The following TMEM131 variants were observed in gnomAD, a reference collection of about 807,000 sequenced individuals.
TMEM131 encodes the protein transmembrane protein 131.
A neutral mutation model predicts 211.6 loss-of-function variants in TMEM131; 66 were observed. The ratio of observed to expected loss-of-function variants is 0.31; its 90% CI spans 0.26 to 0.38. TMEM131 has a LOEUF of 0.38. Ranked by LOEUF, TMEM131 falls within the 10% of genes least tolerant of loss-of-function variation. The probability of loss-of-function intolerance (pLI) is 1.00; values close to 1 mark genes in which losing one functional copy is unlikely to be tolerated. For synonymous variants in TMEM131, 844 were observed against 841.3 expected, an observed-to-expected ratio of 1.00 and a Z score of -0.06; for missense variants, 2,036 against 2,299.3, an observed-to-expected ratio of 0.89 and a Z score of 2.34.
At chr2:97,862,629 A>G (rs187322577) in intron 4 of TMEM131, among the ~76,000 whole-genome samples, 1 of 152,100 alleles carries the variant, frequency 6.6e-6, no homozygotes, top group Non-Finnish European at 1.5e-5. Context: ...AGCAGAATTG[A>G]TCAAGCAGAA....
intron 21 of TMEM131, 52 bp downstream of exon 21, chr2:97,805,324 A>G: frequency 2.5e-6 from 4 of 1,591,794 alleles, no homozygotes; most frequent in Non-Finnish European, 3.4e-6. Context: ...TCTTACTAAA[A>G]GAGTATTTTG....
intron 1 of TMEM131, among the ~76,000 whole-genome samples, chr2:97,989,820 A>G (rs1680184520): frequency 6.6e-6 from 1 of 152,224 alleles, no homozygotes; most frequent in Non-Finnish European, 1.5e-5. Context: ...AAGTAATCAC[A>G]TGGGAATTAA....
chr2:97,918,808 T>C (rs1401574616), intron 2 of TMEM131, among the ~76,000 whole-genome samples: 1 of 151,548 alleles, frequency 6.6e-6, no homozygotes, highest in African/African-American at 2.4e-5. Flanking sequence ...ATTCTGGTTA[T>C]CTACTGCTGC....
At chr2:97,884,017 T>A (rs1675039493) in intron 4 of TMEM131, among the ~76,000 whole-genome samples, 1 of 151,668 alleles carries the variant, frequency 6.6e-6, no homozygotes, top group Non-Finnish European at 1.5e-5. Context: ...CATTAGGTTG[T>A]TTATTTGAAA....
Position 97,814,107 on chromosome 2 carries a change from G to C in TMEM131, c.1481C>G (p.Pro494Arg), listed in dbSNP as rs766844923. 6.2e-7 allele frequency: 1 copy of C among 1,609,640 alleles called. No individual in the cohort carries two copies. Among genetic ancestry groups the C allele is most frequent in the Non-Finnish European group, 8.5e-7 (1 of 1,177,502 alleles). The change falls in exon 15 of 41, where the codon CCT (proline) becomes CGT (arginine). Residue 494 changes from proline (P) to arginine (R), a missense_variant. Pro to Arg is a moderately radical substitution (Grantham distance 103). This residue lies in a region of TMEM131 where 1,623 missense variants were observed against 1,805.9 expected (regional missense o/e 0.90). Coordinates refer to ENST00000186436, the MANE Select transcript of TMEM131 (RefSeq NM_015348.2). ...HNFSKPVLIL[P>R]NESGYIFTLL... ...GGTAAAAATGTATCCTGATTCATTA[G>C]GAAGAATTAAGACTGGTTTGCTGAA...
chr2:97,855,337 T>TGG (rs1374575959), intron 5 of TMEM131, among the ~76,000 whole-genome samples: 7 of 152,244 alleles, frequency 4.6e-5, no homozygotes, highest in Non-Finnish European at 1.0e-4. Context: ...ACCTGGCAAA[T>TGG]CTGTGCTTTA....
At chr2:97,793,185 A>C in intron 30 of TMEM131, 1 of 643,972 alleles carries the variant, frequency 1.6e-6, no homozygotes, top group South Asian at 2.2e-5. Flanking sequence ...GATCTAACTA[A>C]AAGTATTTTA....
intron 7 of TMEM131, among the ~76,000 whole-genome samples, chr2:97,839,514 T>C (rs1426505769): frequency 6.6e-6 from 1 of 152,232 alleles, no homozygotes; most frequent in Admixed American, 6.5e-5. Context: ...TCCAGTGCTA[T>C]TTGTTCTAAT....
At chr2:97,788,562 C>T (rs1680356176) in intron 31 of TMEM131, among the ~76,000 whole-genome samples, 1 of 152,186 alleles carries the variant, frequency 6.6e-6, no homozygotes, top group Non-Finnish European at 1.5e-5. Context: ...TATCATCTAC[C>T]AAACTGGGTC....
At chr2:97,832,199 C>T (rs1436717969) in intron 11 of TMEM131, among the ~76,000 whole-genome samples, 2 of 152,096 alleles carry the variant, frequency 1.3e-5, no homozygotes, top group Non-Finnish European at 2.9e-5. Context: ...AAAGGACAAA[C>T]ATGGGCCTAT....
chr2:97,874,133 G>A lies in TMEM131; in HGVS notation c.359+13919C>T, dbSNP rs553447743. On this transcript the variant is annotated intron_variant, in intron 4 of 40. Transcript: ENST00000186436. ...GGAAGAAAGGATATCAGTGATTGAA[G>A]ATCAACTTAATGAAATAAAGAGCAA... 1.1e-4 allele frequency among the ~76,000 whole-genome samples: 16 copies of A among 152,268 alleles called. No homozygotes were observed. The East Asian group carries it at 3.1e-3, about 29-fold the overall frequency.
intron 1 of TMEM131, among the ~76,000 whole-genome samples, chr2:97,943,079 AAG>A (rs1465036306): frequency 3.0e-5 from 4 of 134,596 alleles, no homozygotes; most frequent in African/African-American, 1.1e-4. Context: ...GAAAGAAAGA[AAG>A]AAAGAAAGAA....
intron 1 of TMEM131, among the ~76,000 whole-genome samples, chr2:97,957,090 C>T (rs1396789839): frequency 7.2e-6 from 1 of 139,592 alleles, no homozygotes; most frequent in African/African-American, 2.8e-5. Context: ...GCGTGAGACT[C>T]CGTCTCAAAA....
chr2:97,975,768 T>G (rs1414244041), intron 1 of TMEM131, among the ~76,000 whole-genome samples: 1 of 147,940 alleles, frequency 6.8e-6, no homozygotes, highest in African/African-American at 2.5e-5. Context: ...ACTGATTTTA[T>G]GAGACCAGCA....
chr2:97,954,067 T>C (rs1559472028), intron 1 of TMEM131, among the ~76,000 whole-genome samples: 2 of 152,224 alleles, frequency 1.3e-5, no homozygotes, highest in South Asian at 2.1e-4. Flanking sequence ...AAAGAGGAAA[T>C]GGTCTCACAT....
In TMEM131 at chr2:97,762,350, G is replaced by C. The variant is rs1022567234; in HGVS notation, c.4724-150C>G. The C allele has an allele frequency of 2.0e-5, 15 of 753,120 alleles. No homozygotes were observed. In the East Asian group the frequency reaches 2.1e-4, roughly 11 times the overall value. The allele number at this position is 753,120 out of a possible 1,614,324, so 46.7% of individuals were successfully genotyped here. A position where few individuals can be genotyped will look rare whatever the true frequency, so the allele number is the denominator to read the frequency against. ...CTCTTAGATGTGTTCTGTTTAACAG[G>C]TTTTAAAGAGAAAGCAGCCACATCT... On this transcript the variant is annotated intron_variant, in intron 35 of 40. Coordinates refer to ENST00000186436, the MANE Select transcript of TMEM131 (RefSeq NM_015348.2).
At position 97,757,363 on chromosome 2, in the gene TMEM131, G is replaced by A. The variant is rs189771808; in HGVS notation, c.5388C>T (p.Ser1796=). Residue 1796 remains serine, a synonymous_variant, in exon 41 of 41, where the codon AGC becomes AGT. Transcript: ENST00000186436. ...TGAATGGAGTGGTGGACCACAGGCCGCTGGTGTTACCGAGGACCGACTGCG... is the reference window on the plus strand; with the variant it reads ...TGAATGGAGTGGTGGACCACAGGCCACTGGTGTTACCGAGGACCGACTGCG... ...HTATSVLGNT[S]GLWSTTPFSS... The A allele has an allele frequency of 3.4e-5, 54 of 1,607,034 alleles. No homozygotes were observed. The highest frequency in any genetic ancestry group is 2.1e-4 in the African/African-American group (16 of 74,922).
At position 97,901,055 on chromosome 2, in the gene TMEM131, T is replaced by C. The variant is rs567899340; in HGVS notation, c.290+7603A>G. ...AATTACAGCTACACTTATCTTTTGA[T>C]TGAGCAATTCAAGTTGTAGGAATTT... On this transcript the variant is annotated intron_variant, in intron 3 of 40. Coordinates refer to ENST00000186436, the MANE Select transcript of TMEM131 (RefSeq NM_015348.2). Among the ~76,000 whole-genome samples, 259 of 152,306 alleles carry C rather than the reference T, an allele frequency of 1.7e-3. 2 individuals carry two copies. The Middle Eastern group carries it at 0.017, about 10-fold the overall frequency.
intron 4 of TMEM131, among the ~76,000 whole-genome samples, chr2:97,869,685 G>A (rs573886438): frequency 3.9e-5 from 6 of 152,248 alleles, no homozygotes; most frequent in Admixed American, 3.9e-4. Flanking sequence ...AGACCTCATA[G>A]GTCTGTGAAC....
Sources: gnomAD v4.1 joint callset for allele counts (sites outside exome capture counted in the v4.1 genomes callset) on GRCh38, gnomAD v4.1.1 for gene constraint, gnomAD v4.1.1 regional missense constraint, MANE v1.5 for transcripts, NCBI Gene and HGNC (gene_info 2026-07-23, HGNC 2026-07-21) for gene names.